Variants in SOX5 observed in about 807,000 individuals in gnomAD.
SOX5 encodes transcription factor SOX-5.
A neutral mutation model predicts 92.0 loss-of-function variants in SOX5; 9 were observed. The observed-to-expected ratio is 0.10, with a 90% CI of 0.06 to 0.17. The LOEUF (loss-of-function observed/expected upper bound fraction) is 0.17, where lower values mean the gene tolerates loss of function less well. Ranked by LOEUF, SOX5 falls within the 10% of genes least tolerant of loss-of-function variation. SOX5 has a pLI of 1.00. For synonymous variants in SOX5, 344 were observed against 336.3 expected (o/e 1.02, Z -0.25); for missense variants, 642 against 944.5 (o/e 0.68, Z 4.20).
At chr12:24,222,260 C>G (rs1168963329) in intron 3 of SOX5, among the ~76,000 whole-genome samples, 1 of 152,042 alleles carries the variant, frequency 6.6e-6, no homozygotes, top group Non-Finnish European at 1.5e-5. Context: ...AAAAATGTCC[C>G]TATTTATTTC....
intron 1 of SOX5, among the ~76,000 whole-genome samples, chr12:23,907,754 A>C (rs2097309033): frequency 6.6e-6 from 1 of 152,168 alleles, no homozygotes; most frequent in Non-Finnish European, 1.5e-5. Flanking sequence ...AGCAAAAAAA[A>C]AAAAATGTTT....
chr12:23,854,348 A>G (rs2096665315), intron 2 of SOX5, among the ~76,000 whole-genome samples: 1 of 152,130 alleles, frequency 6.6e-6, no homozygotes, highest in African/African-American at 2.4e-5. Flanking sequence ...GCAGCAAAGC[A>G]GTATAAAGCA....
intron 2 of SOX5, among the ~76,000 whole-genome samples, chr12:24,329,219 A>G (rs1951032375): frequency 6.6e-6 from 1 of 152,210 alleles, no homozygotes; most frequent in Non-Finnish European, 1.5e-5. Context: ...TCACACTGCT[A>G]TAAAGATACT....
intron 9 of SOX5, among the ~76,000 whole-genome samples, chr12:23,587,891 GAATCC>G (rs1472261539): frequency 2.0e-5 from 3 of 152,020 alleles, no homozygotes; most frequent in African/African-American, 7.2e-5. Flanking sequence ...CAAAGGCTAT[GAATCC>G]ATCCCAGGTT....
Position 24,121,323 on chromosome 12 carries a change from A to C in SOX5, c.-2+92020T>G, listed in dbSNP as rs118068797. Among the ~76,000 whole-genome samples, 923 of 152,308 alleles carry C rather than the reference A, an allele frequency of 6.1e-3. 8 individuals are homozygous for C. Among genetic ancestry groups the C allele is most frequent in the South Asian group, 0.034 (164 of 4,824 alleles). On this transcript the variant is annotated intron_variant, in intron 4 of 4. Transcript: ENST00000446891. ...CAGGGATTTTAAAATTTTTTGTACC[A>C]AAACAAACTCATGCTAATTTGTTAT...
chr12:24,035,355 G>A (rs1955920511), intron 4 of SOX5, among the ~76,000 whole-genome samples: 1 of 152,024 alleles, frequency 6.6e-6, no homozygotes, highest in Non-Finnish European at 1.5e-5. Flanking sequence ...CACACAGTAG[G>A]CACATGAACT....
chr12:24,022,022 T>C (rs962047217), intron 4 of SOX5, among the ~76,000 whole-genome samples: 2 of 152,194 alleles, frequency 1.3e-5, no homozygotes, highest in African/African-American at 2.4e-5. Context: ...GAGTGCCTAC[T>C]ATGTGTCGGG....
chr12:23,799,684 T>C (rs142942007), intron 3 of SOX5, among the ~76,000 whole-genome samples: 17 of 152,166 alleles, frequency 1.1e-4, no homozygotes, highest in African/African-American at 4.1e-4. Flanking sequence ...ACTAATACTT[T>C]TTTGCCTCCA....
intron 1 of SOX5, among the ~76,000 whole-genome samples, chr12:24,552,900 C>T (rs1397919172): frequency 2.0e-5 from 3 of 152,010 alleles, no homozygotes; most frequent in East Asian, 1.9e-4. Context: ...GGCATGCTGG[C>T]GCATGCCTGT....
intron 9 of SOX5, among the ~76,000 whole-genome samples, chr12:23,579,011 A>C (rs1375986668): frequency 6.6e-6 from 1 of 152,212 alleles, no homozygotes; most frequent in African/African-American, 2.4e-5. Flanking sequence ...GAGTTGGAAC[A>C]GGGAAGATAT....
chr12:23,642,859 G>A lies in SOX5; in HGVS notation c.932-1962C>T, dbSNP rs564387937. 4.5e-5 allele frequency among the ~76,000 whole-genome samples: 5 copies of A among 111,290 alleles called. 1 individual carries two copies. The highest frequency in any genetic ancestry group is 3.6e-4 in the South Asian group (1 of 2,794). 73.0% of individuals were successfully genotyped at this position (111,290 alleles called of 152,430 possible). On this transcript the variant is annotated intron_variant, in intron 7 of 14. Coordinates refer to ENST00000451604, the MANE Select transcript of SOX5 (RefSeq NM_006940.6). ...TCCCAGCACTTTGGGAGGCCGAGGCGGGCGGATCACGAGGTCAGGAGATCG... is the reference window on the plus strand; with the variant it reads ...TCCCAGCACTTTGGGAGGCCGAGGCAGGCGGATCACGAGGTCAGGAGATCG...
chr12:23,649,717 C>T (rs12306256), intron 7 of SOX5, among the ~76,000 whole-genome samples: 4,243 of 152,166 alleles, frequency 0.028, 91 homozygotes, highest in African/African-American at 0.053. Context: ...TATATTAACT[C>T]TTTAAAAGCA....
At chr12:24,422,258 T>C (rs1292157384) in intron 1 of SOX5, among the ~76,000 whole-genome samples, 1 of 152,202 alleles carries the variant, frequency 6.6e-6, no homozygotes, top group Non-Finnish European at 1.5e-5. Flanking sequence ...CAATACTGGA[T>C]ATGATCAACA....
intron 4 of SOX5, among the ~76,000 whole-genome samples, chr12:24,018,999 G>A (rs1167562196): frequency 1.3e-5 from 2 of 151,706 alleles, no homozygotes; most frequent in Admixed American, 6.6e-5. Flanking sequence ...TTTTTTTGAG[G>A]GTCTCACTCT....
intron 1 of SOX5, chr12:24,407,703 T>C (rs1169922996): frequency 6.6e-6 from 1 of 152,206 alleles, no homozygotes; most frequent in African/African-American, 2.4e-5. Context: ...ATACAGTATA[T>C]ATACTACTAT....
chr12:23,896,087 G>A, intron 1 of SOX5, 63 bp from the exon 2 acceptor site: 1 of 1,153,148 alleles, frequency 8.7e-7, no homozygotes, highest in South Asian at 1.3e-5. Context: ...TGCCGTCATT[G>A]TGTGGTTAGG....
chr12:24,102,203 A>C (rs184767502), intron 4 of SOX5, among the ~76,000 whole-genome samples: 2 of 152,218 alleles, frequency 1.3e-5, no homozygotes, highest in African/African-American at 2.4e-5. Flanking sequence ...TGTTAACTAC[A>C]TAGTACAACA....
intron 4 of SOX5, among the ~76,000 whole-genome samples, chr12:24,177,163 C>G (rs929090833): frequency 1.3e-5 from 2 of 152,066 alleles, no homozygotes; most frequent in African/African-American, 4.8e-5. Flanking sequence ...TTATCTCACT[C>G]ATTCTTCTCA....
At chr12:24,044,839 A>G (rs1444159393) in intron 4 of SOX5, among the ~76,000 whole-genome samples, 1 of 152,246 alleles carries the variant, frequency 6.6e-6, no homozygotes, top group Non-Finnish European at 1.5e-5. Context: ...AAAGCAACAA[A>G]TGAGTGAATG....
Sources: gnomAD v4.1 joint callset for allele counts (sites outside exome capture counted in the v4.1 genomes callset) on GRCh38, gnomAD v4.1.1 for gene constraint, MANE v1.5 for transcripts, NCBI Gene and HGNC (gene_info 2026-07-23, HGNC 2026-07-21) for gene names.